Variants in BBX observed in about 807,000 individuals in gnomAD.
The protein encoded by BBX is BBX high mobility group box domain containing, also known as HMG box transcription factor BBX.
Under a neutral mutation model 100.2 loss-of-function variants are expected in BBX, and 30 were observed. The ratio of observed to expected loss-of-function variants is 0.30; its 90% CI spans 0.22 to 0.41. The LOEUF is 0.41. BBX is among the 10% of genes least tolerant of loss of function. BBX has a pLI of 1.00. For missense variants in BBX, 1,023 were observed against 1,129.8 expected (o/e 0.91, Z 1.35); for synonymous variants, 376 against 388.1 (o/e 0.97, Z 0.37).
At chr3:107,554,150 C>T (rs1211247463) in intron 2 of BBX, among the ~76,000 whole-genome samples, 1 of 151,994 alleles carries the variant, frequency 6.6e-6, no homozygotes, top group Non-Finnish European at 1.5e-5. Flanking sequence ...CCAGGAGTGC[C>T]GGGTATGGGG....
chr3:107,579,483 G>A (rs1286262104), intron 2 of BBX, among the ~76,000 whole-genome samples: 1 of 152,150 alleles, frequency 6.6e-6, no homozygotes, highest in Non-Finnish European at 1.5e-5. Flanking sequence ...CCATGTATTC[G>A]GGGATGAATC....
At chr3:107,766,016 T>G (rs1285049490) in intron 10 of BBX, among the ~76,000 whole-genome samples, 2 of 152,192 alleles carry the variant, frequency 1.3e-5, no homozygotes, top group Non-Finnish European at 2.9e-5. Context: ...GAAACTAAAG[T>G]GCTCAGAAGA....
rs1045490653 is a variant in BBX, at chr3:107,781,132, A to G, written c.2203+2613A>G. The stretch of plus-strand genomic sequence containing the variant: ...TTCTAAAATAAATTTGTATGTATGC[A>G]TTTATATAGTTGTATATCTCAAAGT... On this transcript the variant is annotated intron_variant, in intron 13 of 17. Transcript: ENST00000325805. Among the ~76,000 whole-genome samples, 10 of 152,142 alleles carry G rather than the reference A, an allele frequency of 6.6e-5. No individual in the cohort carries two copies. In the South Asian group the frequency reaches 1.7e-3, roughly 25 times the overall value.
chr3:107,724,906 C>T (rs974144338), intron 5 of BBX, among the ~76,000 whole-genome samples: 15 of 152,208 alleles, frequency 9.9e-5, no homozygotes, highest in South Asian at 4.1e-4. Flanking sequence ...TTTTTGGTGC[C>T]ATATGAACTT....
Position 107,783,503 on chromosome 3 carries a change from A to G in BBX, c.2203+4984A>G, listed in dbSNP as rs1318133557. 2.6e-5 allele frequency among the ~76,000 whole-genome samples: 4 copies of G among 152,182 alleles called. No homozygotes were observed. In the East Asian group the frequency reaches 7.7e-4, roughly 29 times the overall value. On this transcript the variant is annotated intron_variant, in intron 13 of 17. Transcript: ENST00000325805. ...CTTTTCTTCTTTCCTAACACACTGC[A>G]TACGTCAAATCATTTTGCTTCTGTG...
At chr3:107,746,288 T>C (rs1048736133) in intron 8 of BBX, among the ~76,000 whole-genome samples, 3 of 152,190 alleles carry the variant, frequency 2.0e-5, no homozygotes, top group Admixed American at 2.0e-4. Context: ...AGTTTATAAT[T>C]CCTAAGATTA....
chr3:107,674,610 G>A (rs971667911), intron 3 of BBX, among the ~76,000 whole-genome samples: 1 of 152,160 alleles, frequency 6.6e-6, no homozygotes, highest in African/African-American at 2.4e-5. Flanking sequence ...GCAGCCTGGC[G>A]GCAGCAGTAC....
chr3:107,656,217 G>A (rs561712450), intron 3 of BBX, among the ~76,000 whole-genome samples: 2 of 152,188 alleles, frequency 1.3e-5, no homozygotes, highest in South Asian at 4.2e-4. Context: ...TTCTGTGAAA[G>A]TATTTATTTT....
chr3:107,650,206 GCACAGCAGGAGCT>G (rs1474229855), intron 3 of BBX, among the ~76,000 whole-genome samples: 1 of 152,132 alleles, frequency 6.6e-6, no homozygotes, highest in African/African-American at 2.4e-5. Flanking sequence ...GAACCAGGTT[GCACAGCAGGAGCT>G]GAGCACCACC....
At chr3:107,769,227 T>TAGATAGATAGATAGAC (rs776680873) in intron 10 of BBX, among the ~76,000 whole-genome samples, 12 of 89,786 alleles carry the variant, frequency 1.3e-4, no homozygotes, top group East Asian at 3.8e-4. Flanking sequence ...GATAGATAGA[T>TAGATAGATAGATAGAC]AGACAGATAG....
chr3:107,535,111 C>A (rs2048400627), intron 2 of BBX, among the ~76,000 whole-genome samples: 2 of 152,186 alleles, frequency 1.3e-5, no homozygotes. Context: ...AGTGATCATG[C>A]CAGGTTTAGA....
At chr3:107,638,029 TCAGCCTTC>T (rs2056954653) in intron 2 of BBX, among the ~76,000 whole-genome samples, 1 of 152,036 alleles carries the variant, frequency 6.6e-6, no homozygotes, top group Non-Finnish European at 1.5e-5. Flanking sequence ...TCCTCCCACC[TCAGCCTTC>T]CAAGTAACTG....
intron 7 of BBX, among the ~76,000 whole-genome samples, chr3:107,743,918 G>GTTTTTTTTTT (rs34762783): frequency 3.7e-4 from 21 of 56,614 alleles, no homozygotes; most frequent in Admixed American, 5.2e-4. Context: ...TGTTTTAGTG[G>GTTTTTTTTTT]TTTTTTTTTT....
At chr3:107,783,576 A>C (rs976366555) in intron 13 of BBX, among the ~76,000 whole-genome samples, 1 of 152,020 alleles carries the variant, frequency 6.6e-6, no homozygotes, top group African/African-American at 2.4e-5. Context: ...CCCTATTATT[A>C]AGTTATTTTC....
At chr3:107,630,214 G>A (rs1303911157) in intron 2 of BBX, among the ~76,000 whole-genome samples, 1 of 152,162 alleles carries the variant, frequency 6.6e-6, no homozygotes, top group East Asian at 1.9e-4. Context: ...GGGAGAGAAT[G>A]TGTGGTTATC....
intron 13 of BBX, among the ~76,000 whole-genome samples, chr3:107,781,601 G>A (rs1278105398): frequency 6.6e-6 from 1 of 151,996 alleles, no homozygotes; most frequent in African/African-American, 2.4e-5. Flanking sequence ...GTTTTTACAT[G>A]TACTGATAAT....
At chr3:107,698,352 C>T (rs1278106329) in intron 3 of BBX, among the ~76,000 whole-genome samples, 2 of 151,446 alleles carry the variant, frequency 1.3e-5, no homozygotes, top group East Asian at 1.9e-4. Context: ...TATGATTGCT[C>T]TTAAAATTCA....
At position 107,795,638 on chromosome 3, in the gene BBX, T is replaced by G. The variant is rs974935176; in HGVS notation, c.2354-2885T>G. Among the ~76,000 whole-genome samples, 11 of 146,378 alleles carry G rather than the reference T, an allele frequency of 7.5e-5. No individual in the cohort carries two copies. In the South Asian group the frequency reaches 1.6e-3, roughly 21 times the overall value. On this transcript the variant is annotated intron_variant, in intron 15 of 17. Coordinates refer to ENST00000325805, the MANE Select transcript of BBX (RefSeq NM_001142568.3). ...CTTTTTTTTTTTTTTTTTTTTTTTT[T>G]GCCTCTTCCACTTGGTCTGCAGTCT...
chr3:107,751,298 A>G (rs905390595), intron 9 of BBX, among the ~76,000 whole-genome samples: 1 of 152,166 alleles, frequency 6.6e-6, no homozygotes, highest in Non-Finnish European at 1.5e-5. Context: ...TCTAGGAAAC[A>G]ATTTACTCTT....
Sources: gnomAD v4.1 joint callset for allele counts (sites outside exome capture counted in the v4.1 genomes callset) on GRCh38, gnomAD v4.1.1 for gene constraint, MANE v1.5 for transcripts, NCBI Gene and HGNC (gene_info 2026-07-23, HGNC 2026-07-21) for gene names.